IL1RAPL2: variants seen among roughly 807,000 people sequenced by gnomAD.
The protein encoded by IL1RAPL2 is X-linked interleukin-1 receptor accessory protein-like 2.
A neutral mutation model predicts 44.1 loss-of-function variants in IL1RAPL2; 3 were observed. The observed-to-expected ratio is 0.07, with a 90% confidence interval of 0.03 to 0.18. The LOEUF (loss-of-function observed/expected upper bound fraction) is 0.18. IL1RAPL2 is among the 10% of genes least tolerant of loss of function. The pLI, the probability that IL1RAPL2 is intolerant of heterozygous loss-of-function variation, is 1.00. For synonymous variants in IL1RAPL2, 181 were observed against 178.8 expected, an observed-to-expected ratio of 1.01 and a Z score of -0.10; for missense variants, 391 against 496.4, an observed-to-expected ratio of 0.79 and a Z score of 2.02.
intron 2 of IL1RAPL2, among the ~76,000 whole-genome samples, chrX:104,718,018 G>A (rs1184110141): frequency 9.0e-6 from 1 of 110,894 alleles, no homozygotes; most frequent in Non-Finnish European, 1.9e-5. Flanking sequence ...TGGACATTTG[G>A]GTTGGTTCCA....
intron 2 of IL1RAPL2, among the ~76,000 whole-genome samples, chrX:104,817,065 C>A (rs185321241): frequency 1.8e-5 from 2 of 112,878 alleles, no homozygotes; most frequent in African/African-American, 6.4e-5. Context: ...AAAGTATGGA[C>A]AGCTATGTAG....
At chrX:105,432,129 C>CTTTTTTTTTTTTTTTTTTTTTTTTT (rs386417369) in intron 5 of IL1RAPL2, among the ~76,000 whole-genome samples, 3 of 44,839 alleles carry the variant, frequency 6.7e-5, no homozygotes, top group African/African-American at 9.2e-5. Flanking sequence ...TTCAATTTGC[C>CTTTTTTTTTTTTTTTTTTTTTTTTT]TTTTTTTTTT....
At chrX:104,982,217 A>T (rs752511906) in intron 2 of IL1RAPL2, among the ~76,000 whole-genome samples, 1 of 110,911 alleles carries the variant, frequency 9.0e-6, no homozygotes, top group South Asian at 3.8e-4. Context: ...TTTCTTTGGC[A>T]TATGTGATCA....
At chrX:105,010,288 A>C (rs1167302881) in intron 2 of IL1RAPL2, among the ~76,000 whole-genome samples, 1 of 110,925 alleles carries the variant, frequency 9.0e-6, no homozygotes, top group East Asian at 2.9e-4. Flanking sequence ...TTTATTACCT[A>C]CTGTGGTGCA....
At chrX:104,724,866 T>A (rs1309974345) in intron 2 of IL1RAPL2, among the ~76,000 whole-genome samples, 1 of 111,432 alleles carries the variant, frequency 9.0e-6, no homozygotes, top group African/African-American at 3.3e-5. Flanking sequence ...GGTTCTCTAG[T>A]CTATTCCATT....
At chrX:105,200,694 A>T (rs781783586) in intron 3 of IL1RAPL2, among the ~76,000 whole-genome samples, 5 of 111,765 alleles carry the variant, frequency 4.5e-5, no homozygotes, top group Non-Finnish European at 9.4e-5. Flanking sequence ...GGTGGATCAC[A>T]TGAGGCCAGG....
chrX:104,754,117 T>C (rs940773034), intron 2 of IL1RAPL2, among the ~76,000 whole-genome samples: 2 of 111,596 alleles, frequency 1.8e-5, no homozygotes, highest in Non-Finnish European at 3.8e-5. Context: ...AGACAAAATT[T>C]CTGTCCTTTT....
chrX:104,650,174 G>A (rs988877077), intron 1 of IL1RAPL2, among the ~76,000 whole-genome samples: 12 of 111,105 alleles, frequency 1.1e-4, no homozygotes, highest in African/African-American at 3.6e-4. Context: ...TCAGAAATAA[G>A]AACCATTGCA....
chrX:104,953,413 T>G (rs1312604313), intron 2 of IL1RAPL2, among the ~76,000 whole-genome samples: 1 of 112,172 alleles, frequency 8.9e-6, no homozygotes, highest in Non-Finnish European at 1.9e-5. Flanking sequence ...GAGACATACA[T>G]GCCACATATC....
intron 2 of IL1RAPL2, among the ~76,000 whole-genome samples, chrX:104,788,559 T>C (rs1932810287): frequency 8.9e-6 from 1 of 112,146 alleles, no homozygotes; most frequent in Middle Eastern, 4.2e-3. Context: ...TACTTTCTCC[T>C]GAAAGCAGGT....
At chrX:105,477,181 G>A (rs1393284470) in intron 5 of IL1RAPL2, among the ~76,000 whole-genome samples, 1 of 111,724 alleles carries the variant, frequency 9.0e-6, no homozygotes, top group African/African-American at 3.3e-5. Flanking sequence ...TTAGGGCAAA[G>A]GAGATATATT....
At chrX:104,624,453 T>G (rs189586283) in intron 1 of IL1RAPL2, among the ~76,000 whole-genome samples, 3 of 111,550 alleles carry the variant, frequency 2.7e-5, no homozygotes, top group African/African-American at 9.8e-5. Flanking sequence ...AATAAATATA[T>G]GAAAAGATGA....
intron 2 of IL1RAPL2, among the ~76,000 whole-genome samples, chrX:104,774,275 G>C (rs1389052278): frequency 9.0e-6 from 1 of 111,714 alleles, no homozygotes; most frequent in Admixed American, 9.5e-5. Context: ...CTTGAACTCT[G>C]CTCTATTGTG....
intron 5 of IL1RAPL2, among the ~76,000 whole-genome samples, chrX:105,423,881 A>AG (rs2035790354): frequency 9.1e-6 from 1 of 109,442 alleles, no homozygotes; most frequent in Admixed American, 9.7e-5. Flanking sequence ...AAAAAAAAAA[A>AG]GGGTGTTGAC....
intron 5 of IL1RAPL2, among the ~76,000 whole-genome samples, chrX:105,279,365 T>C (rs1376687077): frequency 8.9e-6 from 1 of 111,946 alleles, no homozygotes; most frequent in East Asian, 2.8e-4. Context: ...AAGCCTCAGG[T>C]GGTTGTTTTT....
intron 2 of IL1RAPL2, among the ~76,000 whole-genome samples, chrX:104,879,573 G>A (rs886667393): frequency 9.0e-6 from 1 of 111,103 alleles, no homozygotes; most frequent in African/African-American, 3.3e-5. Flanking sequence ...TTCTTTTTGA[G>A]TAAACTTTAT....
chrX:105,622,288 A>AATAATAATAATAATAATAATT (rs2037424790), intron 6 of IL1RAPL2, among the ~76,000 whole-genome samples: 1 of 106,132 alleles, frequency 9.4e-6, no homozygotes. Flanking sequence ...AAATAATAAT[A>AATAATAATAATAATAATAATT]ATAATAATAA....
At chrX:105,392,126 C>G (rs1316811662) in intron 5 of IL1RAPL2, among the ~76,000 whole-genome samples, 2 of 106,158 alleles carry the variant, frequency 1.9e-5, no homozygotes, top group Admixed American at 1.0e-4. Context: ...GCACATGTAC[C>G]CTAAAACTTA....
At chrX:105,245,239 T>C (rs1294804413) in intron 4 of IL1RAPL2, among the ~76,000 whole-genome samples, 1 of 112,261 alleles carries the variant, frequency 8.9e-6, no homozygotes, top group African/African-American at 3.2e-5. Context: ...CTCTGTGTTT[T>C]ACTTAATTAA....
Sources: gnomAD v4.1 joint callset for allele counts (sites outside exome capture counted in the v4.1 genomes callset) on GRCh38, gnomAD v4.1.1 for gene constraint, MANE v1.5 for transcripts, NCBI Gene and HGNC (gene_info 2026-07-23, HGNC 2026-07-21) for gene names.